VGLL4: variants seen among roughly 807,000 people sequenced by gnomAD.
VGLL4 encodes the protein vestigial like family member 4, also known as transcription cofactor vestigial-like protein 4.
Under a neutral mutation model 21.0 loss-of-function variants are expected in VGLL4, and 7 were observed. The ratio of observed to expected loss-of-function variants is 0.33; its 90% CI spans 0.19 to 0.63. The LOEUF (loss-of-function observed/expected upper bound fraction) is 0.63, where lower values mean the gene tolerates loss of function less well. Among genes scored for constraint, VGLL4 ranks in the 20% least tolerant of loss-of-function variants. The pLI is 0.78. For missense variants in VGLL4, 394 were observed against 425.7 expected (o/e 0.93, Z 0.66); for synonymous variants, 222 against 173.2 (o/e 1.28, Z -2.21).
rs574816326 is a variant in VGLL4, at chr3:11,697,132, G to A, written c.64+5839C>T. Among the ~76,000 whole-genome samples, 8 of 152,232 alleles carry A rather than the reference G, an allele frequency of 5.3e-5. No homozygotes were observed. In the South Asian group the frequency reaches 1.5e-3, roughly 28 times the overall value. ...AATGGCTTTTTTGAGATGGGGTCTTGCTCTGTGGCCCAGGCCTGAGGGCAG... is the reference window on the plus strand; with the variant it reads ...AATGGCTTTTTTGAGATGGGGTCTTACTCTGTGGCCCAGGCCTGAGGGCAG... On this transcript the variant is annotated intron_variant, in intron 2 of 5. Coordinates refer to the VGLL4 transcript ENST00000273038.
chr3:11,589,273 C>T (rs944877375), intron 2 of VGLL4, among the ~76,000 whole-genome samples: 1 of 152,090 alleles, frequency 6.6e-6, no homozygotes, highest in African/African-American at 2.4e-5. Context: ...CTAGAAATAG[C>T]TATGGAGGCG....
upstream of VGLL4, among the ~76,000 whole-genome samples, chr3:11,647,372 G>A (rs1315075907): frequency 2.6e-5 from 4 of 152,014 alleles, 1 homozygote; most frequent in Admixed American, 2.6e-4. Context: ...CTTGTCCTGT[G>A]AAATCTCCCT....
At position 11,565,475 on chromosome 3, in the gene VGLL4, A is replaced by G. The variant is rs1168344921; in HGVS notation, c.273-456T>C. On this transcript the variant is annotated intron_variant, in intron 2 of 4. Coordinates refer to ENST00000430365, the MANE Select transcript of VGLL4 (RefSeq NM_001128219.3). This position sits in a 1 kb window ranked among gnomAD's most constrained non-coding sequence, Gnocchi z 4.1. ...GCACTGCTCAGCCCATCTTCCTCAC[A>G]GTACTGCTCAGCCCGTCTTCCTAAC... 6.6e-6 allele frequency among the ~76,000 whole-genome samples: 1 copy of G among 152,140 alleles called. No individual in the cohort carries two copies. Among genetic ancestry groups the G allele is most frequent in the East Asian group, 1.9e-4 (1 of 5,194 alleles).
chr3:11,614,926 CAA>C (rs1485116433), intron 1 of VGLL4, among the ~76,000 whole-genome samples: 3 of 152,154 alleles, frequency 2.0e-5, no homozygotes, highest in Non-Finnish European at 4.4e-5. Flanking sequence ...TAAAGCTACC[CAA>C]AAAGTTGAAT....
intron 2 of VGLL4, among the ~76,000 whole-genome samples, chr3:11,579,633 C>T (rs2074167597): frequency 6.6e-6 from 1 of 152,100 alleles, no homozygotes; most frequent in South Asian, 2.1e-4. Context: ...ACTGAAGTGG[C>T]ATCTCTTCCC....
chr3:11,684,547 A>AT (rs1277567810), intron 2 of VGLL4, among the ~76,000 whole-genome samples: 2 of 151,814 alleles, frequency 1.3e-5, no homozygotes, highest in African/African-American at 2.4e-5. Context: ...TGCCCAGCTA[A>AT]TTTTTTTATT....
intron 1 of VGLL4, chr3:11,604,481 G>A (rs2074886831): frequency 1.0e-6 from 1 of 956,806 alleles, no homozygotes; most frequent in African/African-American, 1.8e-5. Context: ...TCAGTTATGT[G>A]CCTTTATGCA....
intron 1 of VGLL4, among the ~76,000 whole-genome samples, chr3:11,715,114 G>A (rs369517911): frequency 2.1e-5 from 3 of 145,704 alleles, no homozygotes; most frequent in Middle Eastern, 3.8e-3. Flanking sequence ...CAGCCTGGGT[G>A]ACAGAGCGAG....
intron 2 of VGLL4, among the ~76,000 whole-genome samples, chr3:11,599,142 G>C (rs2074718348): frequency 6.6e-6 from 1 of 152,076 alleles, no homozygotes; most frequent in African/African-American, 2.4e-5. Context: ...TAGGCTCTTA[G>C]AAAACACAGT....
At chr3:11,562,655 C>A (rs2073127689) in intron 3 of VGLL4, among the ~76,000 whole-genome samples, 2 of 152,238 alleles carry the variant, frequency 1.3e-5, no homozygotes, top group South Asian at 4.1e-4. Context: ...AGCCCCGCCA[C>A]GCTGCCGCAG....
In VGLL4 at chr3:11,557,053, C is replaced by T. The variant is rs576427998; in HGVS notation, c.*1503G>A. ...CCACAAAGCCTTGCAGGTGAGGTGA[C>T]CACGCCCACGTCACCTGGTCAGGTG... is the stretch of plus-strand genomic sequence containing the variant. On this transcript the variant is annotated 3_prime_UTR_variant, in exon 5 of 5. Transcript: ENST00000430365. 4.6e-5 allele frequency: 7 copies of T among 152,600 alleles called. No individual in the cohort carries two copies. In the South Asian group the frequency reaches 1.5e-3, roughly 32 times the overall value. The allele number at this position is 152,600 out of a possible 1,614,324, so 9.5% of individuals were successfully genotyped here.
At chr3:11,702,746 A>C (rs1250793206) in intron 2 of VGLL4, 310 of 211,916 alleles carry the variant, frequency 1.5e-3, no homozygotes, top group East Asian at 3.1e-3. Context: ...AAAAAAAAAC[A>C]AAAAAAAAAA....
At chr3:11,567,005 G>A (rs987845813) in intron 2 of VGLL4, among the ~76,000 whole-genome samples, 5 of 152,138 alleles carry the variant, frequency 3.3e-5, no homozygotes, top group African/African-American at 7.2e-5. Flanking sequence ...AACTGGAGGC[G>A]CATTCAAGCC....
At chr3:11,567,306 AC>A (rs2073584073) in intron 2 of VGLL4, among the ~76,000 whole-genome samples, 1 of 151,766 alleles carries the variant, frequency 6.6e-6, no homozygotes, top group South Asian at 2.1e-4. Context: ...CGCCAAGAGA[AC>A]CCTGTCAGCC....
rs114764679 is a variant in VGLL4 at position 11,697,532 on chromosome 3, G to A, written c.64+5439C>T. On this transcript the variant is annotated intron_variant, in intron 2 of 5. Transcript: ENST00000273038. ...GTGGGCCCAGCTGAACTAGTCACAG[G>A]AGCAAACCCCATAAGAGGTTCACTT... Among the ~76,000 whole-genome samples the A allele has an allele frequency of 8.8e-3, 1,341 of 152,258 alleles. 23 individuals carry two copies. Among genetic ancestry groups the A allele is most frequent in the African/African-American group, 0.031 (1,291 of 41,544 alleles).
Position 11,654,992 on chromosome 3 carries a change from C to A in VGLL4, c.64+47979G>T, listed in dbSNP as rs182208931. 2.1e-3 allele frequency among the ~76,000 whole-genome samples: 319 copies of A among 152,320 alleles called. 1 individual carries two copies. Among genetic ancestry groups the A allele is most frequent in the African/African-American group, 7.4e-3 (307 of 41,558 alleles). ...ATTTTTCCAAGGATGAGTTTGCCAGCATTACCTTATCCTCCTGTGGATCTT... is the reference window on the plus strand; with the variant it reads ...ATTTTTCCAAGGATGAGTTTGCCAGAATTACCTTATCCTCCTGTGGATCTT... On this transcript the variant is annotated intron_variant, in intron 2 of 5. Transcript: ENST00000273038.
rs558315010 is a variant in VGLL4 at position 11,662,397 on chromosome 3, T to G, written c.64+40574A>C. Among the ~76,000 whole-genome samples the G allele has an allele frequency of 3.8e-4, 58 of 152,346 alleles. 1 individual carries two copies. The highest frequency in any genetic ancestry group is 3.3e-3 in the Admixed American group (51 of 15,308). The stretch of plus-strand genomic sequence containing the variant: ...ATGAAAAAAGCAAAATGTTCGTAAT[T>G]CTAAAACAATACATTGGGAAGGCAA... On this transcript the variant is annotated intron_variant, in intron 2 of 5. Transcript: ENST00000273038.
chr3:11,671,956 G>A (rs1399490944), intron 2 of VGLL4, among the ~76,000 whole-genome samples: 1 of 152,134 alleles, frequency 6.6e-6, no homozygotes, highest in Non-Finnish European at 1.5e-5. Context: ...CTCCTCGCCT[G>A]TCACTAAGCT....
intron 2 of VGLL4, among the ~76,000 whole-genome samples, chr3:11,684,536 A>G (rs1342862782): frequency 2.0e-5 from 3 of 152,048 alleles, no homozygotes; most frequent in African/African-American, 7.2e-5. Context: ...ATGCACCACC[A>G]TGCCCAGCTA....
Sources: gnomAD v4.1 joint callset for allele counts (sites outside exome capture counted in the v4.1 genomes callset) on GRCh38, gnomAD v4.1.1 for gene constraint, Gnocchi (gnomAD v3.1) non-coding constraint, MANE v1.5 for transcripts, NCBI Gene and HGNC (gene_info 2026-07-23, HGNC 2026-07-21) for gene names.